The following THEMIS variants were observed in gnomAD, a reference collection of about 807,000 sequenced individuals.
The protein encoded by THEMIS is thymocyte selection associated.
In THEMIS, 37 loss-of-function variants were observed where a neutral mutation model predicts 52.6. That is an observed-to-expected ratio of 0.70 (90% CI 0.54 to 0.93). THEMIS has a LOEUF of 0.93. Among genes scored for constraint, THEMIS ranks in the 40% least tolerant of loss-of-function variants. The pLI, the probability that THEMIS is intolerant of heterozygous loss-of-function variation, is 0.00. For synonymous variants in THEMIS, 292 were observed against 272.7 expected, an observed-to-expected ratio of 1.07 and a Z score of -0.70; for missense variants, 808 against 763.1, an observed-to-expected ratio of 1.06 and a Z score of -0.69.
At chr6:127,800,096 T>G (rs1476051771) in intron 4 of THEMIS, among the ~76,000 whole-genome samples, 1 of 152,204 alleles carries the variant, frequency 6.6e-6, no homozygotes, top group Non-Finnish European at 1.5e-5. Flanking sequence ...TATCCATTGT[T>G]GATGAGCTTT....
intron 4 of THEMIS, among the ~76,000 whole-genome samples, chr6:127,805,575 G>T (rs1057424324): frequency 4.6e-5 from 7 of 151,650 alleles, no homozygotes; most frequent in South Asian, 2.1e-4. Context: ...TTCAAAGTTT[G>T]GGAAAAAATA....
chr6:127,879,092 GA>G (rs559842200), intron 1 of THEMIS, among the ~76,000 whole-genome samples: 9 of 151,820 alleles, frequency 5.9e-5, no homozygotes, highest in African/African-American at 1.7e-4. Context: ...GTCAATTTAG[GA>G]AAAAAAATCT....
chr6:127,912,167 G>T (rs61234808), intron 1 of THEMIS, among the ~76,000 whole-genome samples: 5,945 of 152,176 alleles, frequency 0.039, 656 homozygotes, highest in East Asian at 0.37. Context: ...GAACTTTAAG[G>T]TTTAATGACT....
chr6:127,780,648 C>G (rs145133910), intron 4 of THEMIS, among the ~76,000 whole-genome samples: 2,756 of 152,244 alleles, frequency 0.018, 78 homozygotes, highest in African/African-American at 0.062. Context: ...TTCTCCTTCA[C>G]TTATGAAGCT....
intron 4 of THEMIS, among the ~76,000 whole-genome samples, chr6:127,796,871 T>C (rs1178208621): frequency 6.6e-6 from 1 of 152,216 alleles, no homozygotes; most frequent in South Asian, 2.1e-4. Context: ...CTGTTTTATA[T>C]CCCTTCAAAT....
At chr6:127,851,000 C>G (rs921894271) in intron 2 of THEMIS, among the ~76,000 whole-genome samples, 1 of 151,480 alleles carries the variant, frequency 6.6e-6, no homozygotes, top group Non-Finnish European at 1.5e-5. Flanking sequence ...TAAAGAAAAT[C>G]GTGTCTACAT....
intron 4 of THEMIS, among the ~76,000 whole-genome samples, chr6:127,772,259 C>T (rs955239123): frequency 6.6e-6 from 1 of 151,792 alleles, no homozygotes; most frequent in African/African-American, 2.4e-5. Context: ...AGTACACATA[C>T]AAGGCACAAG....
Position 127,901,023 on chromosome 6 carries a change from C to T in THEMIS, c.-91G>A. 1 of 990,092 alleles carries T rather than the reference C, an allele frequency of 1.0e-6. No homozygotes were observed. 61.3% of individuals were successfully genotyped at this position (990,092 alleles called of 1,614,324 possible). On this transcript the variant is annotated 5_prime_UTR_variant, in exon 1 of 6. An upstream start codon of the reference 5' UTR is lost. Coordinates refer to ENST00000368248, the MANE Select transcript of THEMIS (RefSeq NM_001010923.3). Reference sequence around the variant, plus strand: ...GTCTGCAATTGCAGCCCCTGCTCACCATTTCTTCCTCAGGCAGGCAGGAAT... The same window carrying T: ...GTCTGCAATTGCAGCCCCTGCTCACTATTTCTTCCTCAGGCAGGCAGGAAT...
chr6:127,857,399 C>G (rs766006729), intron 1 of THEMIS, among the ~76,000 whole-genome samples: 2 of 151,520 alleles, frequency 1.3e-5, no homozygotes, highest in Non-Finnish European at 3.0e-5. Context: ...TGTGAAAGAG[C>G]CTGATACATT....
At chr6:127,755,204 A>G (rs1242364267) in intron 4 of THEMIS, among the ~76,000 whole-genome samples, 1 of 152,244 alleles carries the variant, frequency 6.6e-6, no homozygotes, top group African/African-American at 2.4e-5. Context: ...ATCATAGATT[A>G]GATTTGAAGA....
chr6:127,724,495 A>C (rs1774470402), intron 4 of THEMIS, among the ~76,000 whole-genome samples: 1 of 152,116 alleles, frequency 6.6e-6, no homozygotes, highest in Non-Finnish European at 1.5e-5. Flanking sequence ...CCAGAGGAAA[A>C]TGAGAAATTA....
At chr6:127,880,571 T>TAAA (rs33909885) in intron 1 of THEMIS, among the ~76,000 whole-genome samples, 2,165 of 132,940 alleles carry the variant, frequency 0.016, 72 homozygotes, top group African/African-American at 0.052. Context: ...AAAGACAAAT[T>TAAA]AAAAAAAAAA....
chr6:127,906,121 TA>T (rs1243029595), intron 1 of THEMIS, among the ~76,000 whole-genome samples: 4 of 151,244 alleles, frequency 2.6e-5, no homozygotes, highest in Admixed American at 2.0e-4. Context: ...TAAATCTACT[TA>T]AAAATATACA....
chr6:127,847,222 A>G (rs1779248515), intron 2 of THEMIS, among the ~76,000 whole-genome samples: 1 of 152,052 alleles, frequency 6.6e-6, no homozygotes, highest in Non-Finnish European at 1.5e-5. Context: ...GAGAACTGGA[A>G]TAAGACAAGG....
chr6:127,766,631 T>C (rs1776209590), intron 4 of THEMIS, among the ~76,000 whole-genome samples: 1 of 152,230 alleles, frequency 6.6e-6, no homozygotes, highest in Non-Finnish European at 1.5e-5. Context: ...TGGGATAGCC[T>C]ATTGTTCCTG....
intron 2 of THEMIS, among the ~76,000 whole-genome samples, chr6:127,851,252 C>A (rs766934915): frequency 3.1e-4 from 46 of 150,218 alleles, no homozygotes; most frequent in Non-Finnish European, 6.8e-4. Context: ...ATGGCAAAAA[C>A]TTTCAAAATT....
At chr6:127,853,088 C>A (rs1207098208) in intron 2 of THEMIS, among the ~76,000 whole-genome samples, 1 of 151,564 alleles carries the variant, frequency 6.6e-6, no homozygotes, top group African/African-American at 2.4e-5. Flanking sequence ...TTATGTGCAT[C>A]TTTTTCTAAA....
At chr6:127,899,981 T>C (rs1583410615) in intron 1 of THEMIS, among the ~76,000 whole-genome samples, 1 of 150,316 alleles carries the variant, frequency 6.7e-6, no homozygotes, top group Non-Finnish European at 1.5e-5. Flanking sequence ...TGCAACATAA[T>C]ATGTAATACA....
At chr6:127,734,185 T>A (rs546291664) in intron 4 of THEMIS, among the ~76,000 whole-genome samples, 2 of 152,288 alleles carry the variant, frequency 1.3e-5, no homozygotes, top group East Asian at 3.9e-4. Flanking sequence ...ATTATGTAGA[T>A]CCTGATTGAG....
Sources: gnomAD v4.1 joint callset for allele counts (sites outside exome capture counted in the v4.1 genomes callset) on GRCh38, gnomAD v4.1.1 for gene constraint, MANE v1.5 for transcripts, NCBI Gene and HGNC (gene_info 2026-07-23, HGNC 2026-07-21) for gene names.